The following ABCA8 variants were observed in gnomAD, a reference collection of about 807,000 sequenced individuals.
The protein encoded by ABCA8 is ATP binding cassette subfamily A member 8, also known as ABC-type organic anion transporter ABCA8.
Under a neutral mutation model 192.3 loss-of-function variants are expected in ABCA8, and 177 were observed. That is an observed-to-expected ratio of 0.92 (90% confidence interval 0.81 to 1.04). ABCA8 has a LOEUF of 1.04. Among genes scored for constraint, ABCA8 ranks in the 50% least tolerant of loss-of-function variants. The pLI is 0.00. For missense variants in ABCA8, 1,915 were observed against 1,904.8 expected (o/e 1.01, Z -0.10); for synonymous variants, 642 against 690.2 (o/e 0.93, Z 1.09).
In ABCA8 at chr17:68,894,190, T is replaced by A. The variant is rs779750734; in HGVS notation, c.3019A>T (p.Arg1007Ter). ...ATATTTACCTCCAAAAATGTACTTCTTTCAGTTCGGATATGTACTGATGGT... is the reference window on the plus strand; with the variant it reads ...ATATTTACCTCCAAAAATGTACTTCATTCAGTTCGGATATGTACTGATGGT... The part of the protein sequence containing the change: ...VKPSVHIRTE[R>*]STFLENGQDN... The change falls in exon 23 of 40, where the codon AGA (arginine) becomes TGA (stop). Residue 1007 changes from arginine to a stop codon, truncating the protein, a stop_gained. Transcript: ENST00000586539. LOFTEE classifies it high-confidence loss of function. 1 of 1,613,312 alleles carries A rather than the reference T, an allele frequency of 6.2e-7. No homozygotes were observed. The highest frequency in any genetic ancestry group is 8.5e-7 in the Non-Finnish European group (1 of 1,179,600).
chr17:68,869,628 C>A, intron 38 of ABCA8, 72 bp downstream of exon 38: 1 of 1,097,016 alleles, frequency 9.1e-7, no homozygotes, highest in South Asian at 1.4e-5. Context: ...TCATTTTTGT[C>A]ATAAAGGTGA....
chr17:68,873,743 G>A (rs1027132737), intron 37 of ABCA8, among the ~76,000 whole-genome samples: 13 of 152,118 alleles, frequency 8.5e-5, no homozygotes, highest in African/African-American at 3.1e-4. Flanking sequence ...ATAAGATGGG[G>A]TCTAGTTTCA....
At chr17:68,915,794 A>T (rs1182710030) in intron 17 of ABCA8, among the ~76,000 whole-genome samples, 5 of 152,194 alleles carry the variant, frequency 3.3e-5, no homozygotes, top group Non-Finnish European at 7.4e-5. Context: ...CAAAGAAAGG[A>T]AATCAATATG....
chr17:68,875,139 T>C, intron 37 of ABCA8, 121 bp downstream of exon 37: 2 of 1,384,988 alleles, frequency 1.4e-6, no homozygotes, highest in South Asian at 2.8e-5. Context: ...GTTTACTTCC[T>C]GCAGAATCCA....
intron 24 of ABCA8, among the ~76,000 whole-genome samples, chr17:68,887,934 G>GATATATATAT (rs1668580784): frequency 1.7e-5 from 1 of 57,734 alleles, no homozygotes; most frequent in Non-Finnish European, 3.1e-5. Flanking sequence ...ATTATATATG[G>GATATATATAT]ATATATATAT....
At chr17:68,883,341 G>T (rs905290855) in intron 29 of ABCA8, among the ~76,000 whole-genome samples, 1 of 152,170 alleles carries the variant, frequency 6.6e-6, no homozygotes, top group African/African-American at 2.4e-5. Context: ...GTATGGTGCC[G>T]AAAATAGTCT....
At chr17:68,882,525 C>A (rs1368126613) in intron 30 of ABCA8, 74 bp downstream of exon 30, 2 of 1,382,608 alleles carry the variant, frequency 1.4e-6, no homozygotes, top group South Asian at 1.6e-5. Flanking sequence ...TTGTAAGGAA[C>A]AGAGAAACTC....
At chr17:68,949,129 G>A (rs1235440153) in intron 2 of ABCA8, among the ~76,000 whole-genome samples, 183 bp downstream of exon 2, 4 of 152,152 alleles carry the variant, frequency 2.6e-5, no homozygotes, top group African/African-American at 4.8e-5. Context: ...GTATCATGGT[G>A]TTTTGGTTAC....
intron 37 of ABCA8, among the ~76,000 whole-genome samples, 189 bp downstream of exon 37, chr17:68,875,071 G>A (rs143917337): frequency 5.3e-5 from 8 of 152,158 alleles, no homozygotes; most frequent in Non-Finnish European, 1.0e-4. Context: ...AGCCCCTGGC[G>A]CATAGTGGAA....
intron 18 of ABCA8, 151 bp downstream of exon 18, chr17:68,907,589 A>G: frequency 1.4e-6 from 1 of 722,094 alleles, no homozygotes. Flanking sequence ...ACTATACAGA[A>G]AATAATTCAG....
chr17:68,912,135 A>G (rs1217990466), intron 17 of ABCA8, among the ~76,000 whole-genome samples: 1 of 152,196 alleles, frequency 6.6e-6, no homozygotes, highest in Non-Finnish European at 1.5e-5. Flanking sequence ...AGGGACCAAT[A>G]CCAGAGTGAC....
At position 68,902,279 on chromosome 17, in the gene ABCA8, G is replaced by T. The variant is rs530986281; in HGVS notation, c.2764+434C>A. On this transcript the variant is annotated intron_variant, in intron 21 of 39. Transcript: ENST00000586539. ...CAGAATGTAAATTTGTGATTGCTGA[G>T]GAGTTGGGGGAGGGACGACATGGGA... Among the ~76,000 whole-genome samples, 50 of 152,288 alleles carry T rather than the reference G, an allele frequency of 3.3e-4. 1 individual carries two copies. Among genetic ancestry groups the T allele is most frequent in the Middle Eastern group, 3.4e-3 (1 of 294 alleles).
chr17:68,887,953 TG>T (rs869231130), intron 24 of ABCA8, among the ~76,000 whole-genome samples: 2 of 74,374 alleles, frequency 2.7e-5, no homozygotes, highest in Non-Finnish European at 5.3e-5. Context: ...ATTATATATA[TG>T]GATATATATA....
At chr17:68,905,088 T>C (rs187438206) in intron 19 of ABCA8, among the ~76,000 whole-genome samples, 64 of 152,366 alleles carry the variant, frequency 4.2e-4, no homozygotes, top group Middle Eastern at 3.4e-3. Flanking sequence ...ATAAAACCTG[T>C]GCAAAAGCCC....
At chr17:68,880,293 A>G (rs1385964967) in intron 32 of ABCA8, 1 of 152,120 alleles carries the variant, frequency 6.6e-6, no homozygotes, top group African/African-American at 2.4e-5. Context: ...GCCTACAAAT[A>G]GGAGACCCAC....
intron 1 of ABCA8, 117 bp from the exon 2 acceptor site, chr17:68,949,589 A>G (rs1201573880): frequency 6.6e-6 from 1 of 152,266 alleles, no homozygotes; most frequent in Non-Finnish European, 1.5e-5. Flanking sequence ...CAAAAAGCTT[A>G]TCCACCATGA....
intron 17 of ABCA8, among the ~76,000 whole-genome samples, chr17:68,908,470 T>G (rs1362453243): frequency 6.6e-6 from 1 of 152,210 alleles, no homozygotes; most frequent in African/African-American, 2.4e-5. Context: ...TGGAGTTCAT[T>G]GTCTAGTGCG....
intron 23 of ABCA8, among the ~76,000 whole-genome samples, chr17:68,893,198 G>A (rs369246391): frequency 2.6e-5 from 4 of 151,864 alleles, no homozygotes; most frequent in East Asian, 1.9e-4. Flanking sequence ...TTTTTCCTAC[G>A]TACAAGGTAT....
intron 2 of ABCA8, among the ~76,000 whole-genome samples, chr17:68,945,848 A>G (rs994419256): frequency 6.6e-6 from 1 of 151,948 alleles, no homozygotes; most frequent in African/African-American, 2.4e-5. Context: ...TTATGCGTGT[A>G]TGCACTTTGA....
Sources: gnomAD v4.1 joint callset for allele counts (sites outside exome capture counted in the v4.1 genomes callset) on GRCh38, gnomAD v4.1.1 for gene constraint, MANE v1.5 for transcripts, NCBI Gene and HGNC (gene_info 2026-07-23, HGNC 2026-07-21) for gene names.